The following HTT-AS variants were observed in gnomAD, a reference collection of about 807,000 sequenced individuals.
The protein encoded by HTT-AS is HTT antisense RNA (head to head).
At chr4:3,053,464 T>C (rs575018831) in intron 2 of HTT-AS, among the ~76,000 whole-genome samples, 2 of 152,026 alleles carry the variant, frequency 1.3e-5, no homozygotes, top group African/African-American at 4.8e-5. Flanking sequence ...ACTCAGGAGG[T>C]GGAGGTTGCC....
At chr4:3,066,328 C>T (rs548925174) in intron 1 of HTT-AS, among the ~76,000 whole-genome samples, 2 of 152,288 alleles carry the variant, frequency 1.3e-5, no homozygotes, top group East Asian at 3.9e-4. Flanking sequence ...CGCCACTACA[C>T]CCAGCTGATT....
At chr4:3,070,435 C>CA (rs2110125377) in intron 1 of HTT-AS, among the ~76,000 whole-genome samples, 1 of 152,130 alleles carries the variant, frequency 6.6e-6, no homozygotes, top group Admixed American at 6.5e-5. Flanking sequence ...GGATTACAGG[C>CA]ACCTGCCACC....
At chr4:3,055,218 A>G (rs138587288) in intron 2 of HTT-AS, among the ~76,000 whole-genome samples, 2,166 of 151,904 alleles carry the variant, frequency 0.014, 53 homozygotes, top group African/African-American at 0.05. Context: ...GAATGGCATG[A>G]ACCCAGGAGG....
chr4:3,061,745 G>A (rs1711929977), intron 2 of HTT-AS, among the ~76,000 whole-genome samples: 2 of 150,718 alleles, frequency 1.3e-5, no homozygotes, highest in African/African-American at 4.9e-5. Flanking sequence ...ACTTTGGGAA[G>A]CCGAGGCGGG....
chr4:3,066,401 G>A (rs1009248912), intron 1 of HTT-AS, among the ~76,000 whole-genome samples: 5 of 152,122 alleles, frequency 3.3e-5, no homozygotes, highest in African/African-American at 7.2e-5. Flanking sequence ...ATCTCTTGAC[G>A]TCATGATCTG....
intron 1 of HTT-AS, among the ~76,000 whole-genome samples, chr4:3,065,826 G>A (rs80093929): frequency 0.05 from 7,581 of 152,258 alleles, 293 homozygotes; most frequent in African/African-American, 0.11. Context: ...CTAGCCTGGG[G>A]AAAGATCAAA....
At chr4:3,070,709 T>G (rs1458491532) in intron 1 of HTT-AS, among the ~76,000 whole-genome samples, 1 of 152,232 alleles carries the variant, frequency 6.6e-6, no homozygotes, top group East Asian at 1.9e-4. Context: ...AGTGCTCATC[T>G]GGAACAGGAT....
At chr4:3,064,848 C>G (rs1419719592) in intron 1 of HTT-AS, among the ~76,000 whole-genome samples, 3 of 151,238 alleles carry the variant, frequency 2.0e-5, no homozygotes, top group African/African-American at 7.4e-5. Flanking sequence ...AGACCTTATA[C>G]AAAACTTCAT....
upstream of HTT-AS, chr4:3,074,586 A>C: frequency 2.6e-6 from 1 of 382,082 alleles, no homozygotes; most frequent in Non-Finnish European, 4.5e-6. Context: ...TCCGCAGGCT[A>C]GGGCTGTCAA....
chr4:3,058,609 C>T (rs1403909891), intron 2 of HTT-AS, among the ~76,000 whole-genome samples: 1 of 152,144 alleles, frequency 6.6e-6, no homozygotes, highest in Non-Finnish European at 1.5e-5. Context: ...TGCCTAACCT[C>T]CTGGGAACGC....
At chr4:3,062,647 C>G (rs1411778303) in exon 2 of HTT-AS, among the ~76,000 whole-genome samples, 1 of 151,986 alleles carries the variant, frequency 6.6e-6, no homozygotes, top group East Asian at 1.9e-4. Flanking sequence ...TGGCCCCTTT[C>G]TCTTCTGCTT....
exon 2 of HTT-AS, among the ~76,000 whole-genome samples, chr4:3,063,066 G>A (rs998023137): frequency 5.9e-5 from 9 of 152,260 alleles, no homozygotes; most frequent in South Asian, 2.1e-4. Flanking sequence ...GAGACACGAC[G>A]TAGCCTTCAT....
exon 3 of HTT-AS, among the ~76,000 whole-genome samples, chr4:3,049,553 A>G (rs977818033): frequency 2.0e-5 from 3 of 152,176 alleles, no homozygotes; most frequent in Admixed American, 6.5e-5. Flanking sequence ...AAAGGTTCCA[A>G]TGGGTGTACA....
intron 2 of HTT-AS, among the ~76,000 whole-genome samples, chr4:3,061,898 C>T (rs1297855624): frequency 2.8e-5 from 4 of 144,086 alleles, no homozygotes; most frequent in African/African-American, 7.6e-5. Flanking sequence ...AGGAGAATGG[C>T]GTGAACCGGG....
At chr4:3,053,757 C>CTTTTTTTTTTTTTTTTTTTTTTTTT (rs1163919785) in intron 2 of HTT-AS, among the ~76,000 whole-genome samples, 1 of 129,094 alleles carries the variant, frequency 7.7e-6, no homozygotes. Flanking sequence ...TTGCTAACTT[C>CTTTTTTTTTTTTTTTTTTTTTTTTT]TTTTTTTTTT....
In HTT-AS at chr4:3,072,816, C is replaced by T. The variant is rs183207300; in HGVS notation, n.113+1610G>A. On this transcript the variant is annotated intron_variant and non_coding_transcript_variant, in intron 1 of 2. Transcript: ENST00000664062. ...CTAATTTTTGTATTTTTAGTAGAGA[C>T]AGGGTTTCGCCATGTTGGCCAGGCT... 6.6e-3 allele frequency among the ~76,000 whole-genome samples: 1,011 copies of T among 152,280 alleles called. 13 individuals carry two copies. Among genetic ancestry groups the T allele is most frequent in the African/African-American group, 0.023 (950 of 41,554 alleles).
At chr4:3,057,162 T>A (rs180957523) in intron 2 of HTT-AS, among the ~76,000 whole-genome samples, 3 of 152,144 alleles carry the variant, frequency 2.0e-5, no homozygotes, top group Non-Finnish European at 4.4e-5. Context: ...GCCTCCCGAG[T>A]AGCTGGGACT....
chr4:3,064,101 T>TTG (rs1711996154), intron 1 of HTT-AS, among the ~76,000 whole-genome samples: 1 of 150,386 alleles, frequency 6.6e-6, no homozygotes, highest in Non-Finnish European at 1.5e-5. Flanking sequence ...ATAAAGTTTT[T>TTG]TTTTTTTTTT....
intron 2 of HTT-AS, among the ~76,000 whole-genome samples, chr4:3,060,842 G>C (rs1006986785): frequency 6.6e-6 from 1 of 152,202 alleles, no homozygotes; most frequent in Non-Finnish European, 1.5e-5. Context: ...GGTGAGGGTA[G>C]GGTGGGCAGC....
Sources: gnomAD v4.1 joint callset for allele counts (sites outside exome capture counted in the v4.1 genomes callset) on GRCh38, gnomAD v4.1.1 for gene constraint, MANE v1.5 for transcripts, NCBI Gene and HGNC (gene_info 2026-07-23, HGNC 2026-07-21) for gene names.